Variants in LRRC7 observed in about 807,000 individuals in gnomAD.
LRRC7 encodes leucine rich repeat containing 7, also known as leucine-rich repeat-containing protein 7.
Under a neutral mutation model 175.7 loss-of-function variants are expected in LRRC7, and 23 were observed. That is an observed-to-expected ratio of 0.13 (90% CI 0.09 to 0.19). The LOEUF (loss-of-function observed/expected upper bound fraction) is 0.19. Among genes scored for constraint, LRRC7 ranks in the 10% least tolerant of loss-of-function variants. The probability of loss-of-function intolerance (pLI) is 1.00; values close to 1 mark genes in which losing one functional copy is unlikely to be tolerated. For missense variants in LRRC7, 1,354 were observed against 1,904.7 expected (o/e 0.71, Z 5.38); for synonymous variants, 685 against 680.9 (o/e 1.01, Z -0.09).
rs1017493970 is a variant in LRRC7 at position 70,140,959 on chromosome 1, G to C, written c.*19072G>C. On this transcript the variant is annotated 3_prime_UTR_variant, in exon 27 of 27. Transcript: ENST00000651989. ...TTCTATAAACAACTTTCCTCAGTTC[G>C]CAACTGAGGTGTAGCCCAGGGAATA... Among the ~76,000 whole-genome samples, 7 of 152,048 alleles carry C rather than the reference G, an allele frequency of 4.6e-5. No individual in the cohort carries two copies. Among genetic ancestry groups the C allele is most frequent in the Non-Finnish European group, 2.9e-5 (2 of 67,978 alleles).
chr1:69,771,647 C>A (rs533396451), intron 3 of LRRC7, among the ~76,000 whole-genome samples: 20 of 152,248 alleles, frequency 1.3e-4, no homozygotes, highest in Admixed American at 2.0e-4. Context: ...TTTGTTCATT[C>A]AGCAAGCATT....
At chr1:69,659,375 G>A (rs2100523321) in intron 1 of LRRC7, among the ~76,000 whole-genome samples, 1 of 151,816 alleles carries the variant, frequency 6.6e-6, no homozygotes, top group Middle Eastern at 3.4e-3. Flanking sequence ...AGATAAAATA[G>A]ATGACAGCAT....
At chr1:69,836,064 T>C (rs1681065910) in intron 6 of LRRC7, among the ~76,000 whole-genome samples, 1 of 152,060 alleles carries the variant, frequency 6.6e-6, no homozygotes, top group African/African-American at 2.4e-5. Context: ...ATGTAAATGA[T>C]AGTCTTTGAA....
intron 7 of LRRC7, among the ~76,000 whole-genome samples, chr1:69,931,038 T>C (rs1055631594): frequency 6.6e-6 from 1 of 152,204 alleles, no homozygotes; most frequent in African/African-American, 2.4e-5. Context: ...CAAGTCAATA[T>C]GTTTGGGAGA....
intron 2 of LRRC7, among the ~76,000 whole-genome samples, chr1:69,710,895 ACT>A (rs368910285): frequency 2.2e-4 from 34 of 152,144 alleles, no homozygotes; most frequent in East Asian, 1.4e-3. Flanking sequence ...TCAGTTTGGA[ACT>A]CTCTTTTCCC....
At chr1:70,100,207 A>G (rs1182630164) in intron 25 of LRRC7, among the ~76,000 whole-genome samples, 1 of 152,154 alleles carries the variant, frequency 6.6e-6, no homozygotes. Flanking sequence ...ATTATCTAAA[A>G]AAGAACAGCC....
At chr1:69,814,609 G>A (rs1431700368) in intron 4 of LRRC7, among the ~76,000 whole-genome samples, 5 of 152,162 alleles carry the variant, frequency 3.3e-5, no homozygotes, top group Admixed American at 3.3e-4. Context: ...CTGGTACTTG[G>A]TCACCTTTCC....
intron 18 of LRRC7, among the ~76,000 whole-genome samples, 179 bp from the exon 19 acceptor site, chr1:70,035,942 G>A (rs530382870): frequency 6.6e-6 from 1 of 150,778 alleles, no homozygotes; most frequent in South Asian, 2.1e-4. Flanking sequence ...ACTTACATTA[G>A]AAAAAAAAAA....
chr1:69,790,376 A>T (rs1674968115), intron 3 of LRRC7, among the ~76,000 whole-genome samples: 1 of 151,976 alleles, frequency 6.6e-6, no homozygotes. Flanking sequence ...TTCTGATGTG[A>T]CTTCATTTAA....
chr1:69,622,338 T>G lies in LRRC7; in HGVS notation c.2+53697T>G, dbSNP rs374745498. ...CATTTTAATTATTCCACAAATGACT[T>G]TGTCTACTTATGGCTTTTAAATTAG... On this transcript the variant is annotated intron_variant, in intron 1 of 26. Coordinates refer to ENST00000651989, the MANE Select transcript of LRRC7 (RefSeq NM_001370785.2). Among the ~76,000 whole-genome samples, 3 of 152,344 alleles carry G rather than the reference T, an allele frequency of 2.0e-5. No homozygotes were observed. In the East Asian group the frequency reaches 5.8e-4, roughly 29 times the overall value.
At chr1:69,934,497 GGGGGGGGC>G (rs1647754119) in intron 8 of LRRC7, among the ~76,000 whole-genome samples, 4 of 100,834 alleles carry the variant, frequency 4.0e-5, no homozygotes, top group Non-Finnish European at 4.3e-5. Flanking sequence ...ATTTTGGCGG[GGGGGGGGC>G]GGGGGGTGGG....
At chr1:70,025,753 A>G (rs998017403) in intron 17 of LRRC7, among the ~76,000 whole-genome samples, 1 of 150,796 alleles carries the variant, frequency 6.6e-6, no homozygotes, top group African/African-American at 2.4e-5. Context: ...CTAGTAGGCT[A>G]GTAAGTGAGA....
At chr1:70,004,494 T>A (rs1407880473) in intron 11 of LRRC7, among the ~76,000 whole-genome samples, 1 of 152,196 alleles carries the variant, frequency 6.6e-6, no homozygotes, top group East Asian at 1.9e-4. Context: ...AATTCCTTTG[T>A]GTGTGTTTAG....
At chr1:69,785,685 G>A (rs564821680) in intron 3 of LRRC7, among the ~76,000 whole-genome samples, 10 of 151,912 alleles carry the variant, frequency 6.6e-5, no homozygotes, top group Non-Finnish European at 1.5e-4. Context: ...TTCTAGAAAT[G>A]TAAACATACC....
intron 10 of LRRC7, among the ~76,000 whole-genome samples, chr1:69,988,468 C>A (rs946318789): frequency 2.0e-5 from 3 of 152,084 alleles, no homozygotes; most frequent in Non-Finnish European, 2.9e-5. Context: ...GAACATCAAC[C>A]TGAACCTGTG....
chr1:69,680,000 G>A (rs973968412), intron 2 of LRRC7, among the ~76,000 whole-genome samples: 1 of 152,114 alleles, frequency 6.6e-6, no homozygotes, highest in Non-Finnish European at 1.5e-5. Context: ...TTGAGTAGTT[G>A]TGACAGAGAC....
chr1:69,975,408 C>T (rs978085484), intron 8 of LRRC7, among the ~76,000 whole-genome samples: 1 of 152,148 alleles, frequency 6.6e-6, no homozygotes, highest in African/African-American at 2.4e-5. Flanking sequence ...CTAAATTCTA[C>T]CATAAATTCT....
chr1:69,811,556 G>A (rs1289405378), intron 4 of LRRC7, among the ~76,000 whole-genome samples: 1 of 152,128 alleles, frequency 6.6e-6, no homozygotes, highest in African/African-American at 2.4e-5. Context: ...TAAAGAAAAT[G>A]TGGACCATAT....
intron 1 of LRRC7, among the ~76,000 whole-genome samples, chr1:69,674,180 T>C (rs554564521): frequency 1.3e-5 from 2 of 152,188 alleles, no homozygotes; most frequent in Non-Finnish European, 2.9e-5. Context: ...TTAATGATAA[T>C]TTTACCAGAA....
Sources: allele counts gnomAD v4.1 joint callset (sites outside exome capture counted in the v4.1 genomes callset), GRCh38; gene constraint gnomAD v4.1.1; transcripts MANE v1.5; gene names NCBI Gene and HGNC (gene_info 2026-07-23, HGNC 2026-07-21).